The following MRPL37 variants were observed in gnomAD, a reference collection of about 807,000 sequenced individuals.
MRPL37 encodes the protein mitochondrial ribosomal protein L37.
MRPL37 carries 34 observed loss-of-function variants against 44.1 expected under a neutral mutation model. The ratio of observed to expected loss-of-function variants is 0.77; its 90% CI spans 0.59 to 1.03. The LOEUF (loss-of-function observed/expected upper bound fraction) is 1.03. Among genes scored for constraint, MRPL37 ranks in the 50% least tolerant of loss-of-function variants. The probability of loss-of-function intolerance (pLI) is 0.00; values close to 1 mark genes in which losing one functional copy is unlikely to be tolerated. For synonymous variants in MRPL37, 212 were observed against 219.5 expected, an observed-to-expected ratio of 0.97 and a Z score of 0.30; for missense variants, 532 against 543.7, an observed-to-expected ratio of 0.98 and a Z score of 0.21.
At position 54,218,230 on chromosome 1, in the gene MRPL37, A is replaced by C; in HGVS notation, c.1253A>C (p.Tyr418Ser). The change falls in exon 7 of 7, where the codon TAT (tyrosine) becomes TCT (serine). Residue 418 changes from tyrosine to serine, a missense_variant. Physicochemically the swap from Tyr to Ser is moderately radical, Grantham distance 144. Transcript: ENST00000360840. Reference protein sequence around the residue: ...PETFRKFLALYLHGAA With the variant: ...PETFRKFLALSLHGAA ...ACATTCAGAAAGTTTTTAGCTCTAT[A>C]TTTGCATGGTGCTGCGTGAGCGGAG... The C allele has an allele frequency of 6.2e-7, 1 of 1,614,106 alleles. No homozygotes were observed. Among genetic ancestry groups the C allele is most frequent in the Non-Finnish European group, 8.5e-7 (1 of 1,180,028 alleles).
rs1353655064 is a variant in MRPL37 at position 54,200,421 on chromosome 1, T to G, written c.178T>G (p.Phe60Val). 1 of 1,614,212 alleles carries G rather than the reference T, an allele frequency of 6.2e-7. No individual in the cohort carries two copies. Among genetic ancestry groups the G allele is most frequent in the Non-Finnish European group, 8.5e-7 (1 of 1,180,044 alleles). ...YEIPGLEPIT[F>V]AGKMHFVPWL... ...GATCCCTGGACTGGAGCCCATCACC[T>G]TTGCGGGGAAGATGCACTTCGTGCC... The change falls in exon 1 of 7, where the codon TTT (phenylalanine) becomes GTT (valine). Residue 60 changes from phenylalanine to valine, a missense_variant. Phe to Val is a conservative substitution (Grantham distance 50). Coordinates refer to ENST00000360840, the MANE Select transcript of MRPL37 (RefSeq NM_016491.4).
downstream of MRPL37, among the ~76,000 whole-genome samples, chr1:54,221,411 G>A (rs963445893): frequency 2.6e-5 from 4 of 152,242 alleles, no homozygotes; most frequent in South Asian, 4.1e-4. Context: ...ACACTCAGAT[G>A]TCCATGACCC....
rs183657708 is a variant in MRPL37 at position 54,206,334 on chromosome 1, G to A, written c.646+924G>A. Among the ~76,000 whole-genome samples, 1,098 of 151,986 alleles carry A rather than the reference G, an allele frequency of 7.2e-3. 14 individuals are homozygous for A. Among genetic ancestry groups the A allele is most frequent in the African/African-American group, 0.025 (1,027 of 41,452 alleles). ...TCACCATGTTAGCCAGGATGGTCTC[G>A]ATCTCCTGACCTCCTGATCCGCCTG... On this transcript the variant is annotated intron_variant, in intron 3 of 6. Coordinates refer to ENST00000360840, the MANE Select transcript of MRPL37 (RefSeq NM_016491.4).
rs1477616935 is a variant in MRPL37 at position 54,200,312 on chromosome 1, C to T, written c.69C>T (p.Phe23=). The part of the protein sequence containing the change: ...AGSGQLGLGG[F]GAPRRGAYEW... Reference sequence around the variant, plus strand: ...CCGGGCAGCTCGGCCTTGGGGGCTTCGGGGCCCCGAGACGCGGGGCGTATG... The same window carrying T: ...CCGGGCAGCTCGGCCTTGGGGGCTTTGGGGCCCCGAGACGCGGGGCGTATG... The change falls in exon 1 of 7, where the codon TTC becomes TTT. Residue 23 remains phenylalanine (F), a synonymous_variant. Transcript: ENST00000360840. 3 of 1,613,128 alleles carry T rather than the reference C, an allele frequency of 1.9e-6. No individual in the cohort carries two copies. Among genetic ancestry groups the T allele is most frequent in the Admixed American group, 1.7e-5 (1 of 59,980 alleles).
chr1:54,212,775 T>C, intron 5 of MRPL37, 117 bp downstream of exon 5: 4 of 1,422,934 alleles, frequency 2.8e-6, no homozygotes, highest in Non-Finnish European at 2.9e-6. Flanking sequence ...ACTGAGGAGT[T>C]TTAGGGAGGA....
chr1:54,200,583 C>G lies in MRPL37; in HGVS notation c.340C>G (p.Leu114Val), dbSNP rs776094949. Residue 114 changes from leucine (L) to valine (V), a missense_variant, in exon 1 of 7, where the codon CTC becomes GTC. Leu to Val is a conservative substitution (Grantham distance 32). Transcript: ENST00000360840. ...TATCTTTCACCACCGTTGCCGCCTT[C>G]TCGAGGGTGAGGCCCCAGGACGGGC... Reference protein sequence around the residue: ...CYIFHHRCRLLEGVKQALWLT... With the variant: ...CYIFHHRCRLVEGVKQALWLT... 1 of 1,593,462 alleles carries G rather than the reference C, an allele frequency of 6.3e-7. No homozygotes were observed. Among genetic ancestry groups the G allele is most frequent in the Admixed American group, 1.7e-5 (1 of 59,206 alleles).
Position 54,216,287 on chromosome 1 carries a change from C to A in MRPL37, c.1137C>A (p.Asp379Glu), listed in dbSNP as rs764377869. ...AGAATTTGGCCTGGGTGGACTCAGACCAGCTCCTCTATCAGCATTTTTGGT... is the reference window on the plus strand; with the variant it reads ...AGAATTTGGCCTGGGTGGACTCAGAACAGCTCCTCTATCAGCATTTTTGGT... ...GVKNLAWVDS[D>E]QLLYQHFWCL... Residue 379 changes from aspartate to glutamate, a missense_variant, in exon 6 of 7, where the codon GAC (aspartate) becomes GAA (glutamate). Coordinates refer to ENST00000360840, the MANE Select transcript of MRPL37 (RefSeq NM_016491.4). 5 of 1,614,190 alleles carry A rather than the reference C, an allele frequency of 3.1e-6. No individual in the cohort carries two copies. The Middle Eastern group carries it at 5.0e-4, about 160-fold the overall frequency.
chr1:54,210,175 G>A (rs1284665549), intron 4 of MRPL37, 44 bp downstream of exon 4: 2 of 1,576,046 alleles, frequency 1.3e-6, no homozygotes, highest in South Asian at 2.3e-5. Context: ...TGGAGGAGAA[G>A]GACATGCTTT....
chr1:54,202,371 G>A (rs1005786970), intron 1 of MRPL37, among the ~76,000 whole-genome samples: 1 of 152,044 alleles, frequency 6.6e-6, no homozygotes, highest in African/African-American at 2.4e-5. Context: ...AAAGTGAAAA[G>A]TCTTATTGTA....
In MRPL37 at chr1:54,200,572, G is replaced by A; in HGVS notation, c.329G>A (p.Arg110His). 1 of 1,597,738 alleles carries A rather than the reference G, an allele frequency of 6.3e-7. No homozygotes were observed. The change falls in exon 1 of 7, where the codon CGT (arginine) becomes CAT (histidine). Residue 110 changes from arginine (R) to histidine (H), a missense_variant. Coordinates refer to ENST00000360840, the MANE Select transcript of MRPL37 (RefSeq NM_016491.4). Reference protein sequence around the residue: ...KDQACYIFHHRCRLLEGVKQA... With the variant: ...KDQACYIFHHHCRLLEGVKQA... ...CAGGCCTGCTATATCTTTCACCACCGTTGCCGCCTTCTCGAGGGTGAGGCC... is the reference window on the plus strand; with the variant it reads ...CAGGCCTGCTATATCTTTCACCACCATTGCCGCCTTCTCGAGGGTGAGGCC...
downstream of MRPL37, among the ~76,000 whole-genome samples, chr1:54,224,808 C>T (rs192598239): frequency 7.4e-4 from 112 of 152,332 alleles, no homozygotes; most frequent in Admixed American, 3.7e-3. Flanking sequence ...TCTGGGAATG[C>T]CTCTCTCCAT....
chr1:54,216,376 A>G (rs1281212491), intron 6 of MRPL37, 32 bp downstream of exon 6: 2 of 1,608,674 alleles, frequency 1.2e-6, no homozygotes, highest in African/African-American at 1.3e-5. Context: ...CTGACCCAGG[A>G]GGGCCATGCC....
At chr1:54,216,371 C>T (rs372092484) in intron 6 of MRPL37, 27 bp downstream of exon 6, 142 of 1,608,576 alleles carry the variant, frequency 8.8e-5, no homozygotes, top group Admixed American at 4.9e-4. Flanking sequence ...CCTGCCTGAC[C>T]CAGGAGGGCC....
rs1400074645 is a variant in MRPL37 at position 54,206,262 on chromosome 1, G to A, written c.646+852G>A. Among the ~76,000 whole-genome samples the A allele has an allele frequency of 9.9e-5, 15 of 151,612 alleles. No homozygotes were observed. In the East Asian group the frequency reaches 1.6e-3, roughly 16 times the overall value. Reference sequence around the variant, plus strand: ...CGAGTAGCTGGGACTACAGGCGCCCGCCACCACGCCCAGCTAATTTTTTGT... The same window carrying A: ...CGAGTAGCTGGGACTACAGGCGCCCACCACCACGCCCAGCTAATTTTTTGT... On this transcript the variant is annotated intron_variant, in intron 3 of 6. Coordinates refer to ENST00000360840, the MANE Select transcript of MRPL37 (RefSeq NM_016491.4).
chr1:54,225,072 C>T (rs936014256), downstream of MRPL37: 70 of 1,232,982 alleles, frequency 5.7e-5, no homozygotes, highest in East Asian at 1.6e-4. Context: ...TGGCCGATAG[C>T]GACTCCCCAT....
downstream of MRPL37, among the ~76,000 whole-genome samples, chr1:54,224,180 TA>T (rs34001213): frequency 0.15 from 22,392 of 152,238 alleles, 1,900 homozygotes; most frequent in East Asian, 0.36. Flanking sequence ...GCACCATTGA[TA>T]CAGGTTAGTC....
chr1:54,205,629 A>C (rs1644116395), intron 3 of MRPL37, among the ~76,000 whole-genome samples: 2 of 152,188 alleles, frequency 1.3e-5, no homozygotes, highest in Non-Finnish European at 2.9e-5. Context: ...TCAACCATTA[A>C]CAGTCAGCCA....
downstream of MRPL37, chr1:54,220,572 TGGGAAG>T (rs1365740041): frequency 2.2e-6 from 1 of 456,766 alleles, no homozygotes; most frequent in East Asian, 7.0e-5. Context: ...TGTGAAGAGC[TGGGAAG>T]CTCGTGTGTC....
At chr1:54,202,847 T>G (rs1382052833) in intron 1 of MRPL37, among the ~76,000 whole-genome samples, 2 of 152,210 alleles carry the variant, frequency 1.3e-5, no homozygotes, top group African/African-American at 4.8e-5. Context: ...TTCTTCCAGC[T>G]GAGATGGGTG....
Sources: allele counts gnomAD v4.1 joint callset (sites outside exome capture counted in the v4.1 genomes callset), GRCh38; gene constraint gnomAD v4.1.1; transcripts MANE v1.5; gene names NCBI Gene and HGNC (gene_info 2026-07-23, HGNC 2026-07-21).